The following NTN4 variants were observed in gnomAD, a reference collection of about 807,000 sequenced individuals.
NTN4 encodes the protein netrin-4.
A neutral mutation model predicts 73.6 loss-of-function variants in NTN4; 32 were observed. The observed-to-expected ratio is 0.44, with a 90% CI of 0.33 to 0.58. The LOEUF is 0.58. Among genes scored for constraint, NTN4 ranks in the 20% least tolerant of loss-of-function variants. The probability of loss-of-function intolerance (pLI) is 0.04; values close to 1 mark genes in which losing one functional copy is unlikely to be tolerated. For missense variants in NTN4, 654 were observed against 798.3 expected, an observed-to-expected ratio of 0.82 and a Z score of 2.18; for synonymous variants, 258 against 287.5, an observed-to-expected ratio of 0.90 and a Z score of 1.04.
At chr12:95,698,569 G>A (rs1057000125) in intron 5 of NTN4, among the ~76,000 whole-genome samples, 1 of 152,048 alleles carries the variant, frequency 6.6e-6, no homozygotes, top group African/African-American at 2.4e-5. Flanking sequence ...TAAAGTTTTG[G>A]CTGGGTGTAG....
intron 3 of NTN4, among the ~76,000 whole-genome samples, chr12:95,715,726 T>A (rs961698677): frequency 5.9e-5 from 9 of 152,200 alleles, no homozygotes; most frequent in Non-Finnish European, 1.2e-4. Context: ...CTATCCATTT[T>A]TTATTATAAA....
chr12:95,729,624 AGAGAGAGAGTGTGTGTGTGTGTGTGT>A (rs1565899034), intron 3 of NTN4, among the ~76,000 whole-genome samples: 1 of 117,934 alleles, frequency 8.5e-6, no homozygotes, highest in African/African-American at 3.7e-5. Context: ...AGAGAGAGAG[AGAGAGAGAGTGTGTGTGTGTGTGTGT>A]GTGTGTGTGT....
In NTN4 at chr12:95,790,442, G is replaced by A; in HGVS notation, c.-133C>T. On this transcript the variant is annotated 5_prime_UTR_variant, in exon 1 of 10. Coordinates refer to ENST00000343702, the MANE Select transcript of NTN4 (RefSeq NM_021229.4). The surrounding 1 kb of genome is among the most constrained non-coding windows in gnomAD (Gnocchi z 6.5). Reference sequence around the variant, plus strand: ...GTTTCTTCCTCCTCCTGGGGCGCCGGGCTCGGTCAGCGGTCGCCGGCAGCT... The same window carrying A: ...GTTTCTTCCTCCTCCTGGGGCGCCGAGCTCGGTCAGCGGTCGCCGGCAGCT... 5.4e-6 allele frequency: 4 copies of A among 742,022 alleles called. No homozygotes were observed. Among genetic ancestry groups the A allele is most frequent in the Non-Finnish European group, 7.9e-6 (4 of 505,010 alleles). 46.0% of individuals were successfully genotyped at this position (742,022 alleles called of 1,614,324 possible). A position where few individuals can be genotyped will look rare whatever the true frequency, so the allele number is the denominator to read the frequency against.
chr12:95,759,021 T>G (rs2078966431), intron 2 of NTN4, among the ~76,000 whole-genome samples: 1 of 152,210 alleles, frequency 6.6e-6, no homozygotes, highest in African/African-American at 2.4e-5. Flanking sequence ...TAGTTCATTT[T>G]GAGTTAATTT....
rs1158325738 is a variant in NTN4, at chr12:95,713,232, C to T, written c.971G>A (p.Gly324Glu). The T allele has an allele frequency of 6.2e-7, 1 of 1,613,422 alleles. No homozygotes were observed. Among genetic ancestry groups the T allele is most frequent in the South Asian group, 1.1e-5 (1 of 91,000 alleles). The change falls in exon 4 of 10, where the codon GGG becomes GAG. Residue 324 changes from glycine to glutamate, a missense_variant. By Grantham distance (98) the Gly-to-Glu change is moderately conservative. Transcript: ENST00000343702. ...CTTACTTCTGCACTCGTTGGGAGCC[C>T]CCGTTTTGCCATCAGCTGCCTCCCA... ...RPWEAADGKT[G>E]APNECRTCKC...
chr12:95,696,141 CCTAA>C (rs1284259576), intron 5 of NTN4, among the ~76,000 whole-genome samples: 1 of 152,156 alleles, frequency 6.6e-6, no homozygotes, highest in Admixed American at 6.5e-5. Flanking sequence ...GAGAAACAAA[CCTAA>C]CTGTGTCTAT....
chr12:95,681,160 G>T (rs2078312133), intron 7 of NTN4, among the ~76,000 whole-genome samples: 1 of 139,048 alleles, frequency 7.2e-6, no homozygotes, highest in Admixed American at 7.7e-5. Flanking sequence ...CTGCACTCCA[G>T]CCTGGGCAAC....
intron 2 of NTN4, among the ~76,000 whole-genome samples, chr12:95,754,359 C>T (rs1017361109): frequency 6.6e-6 from 1 of 152,108 alleles, no homozygotes; most frequent in Non-Finnish European, 1.5e-5. Context: ...TGAGAAACAT[C>T]GTCCATTCTC....
intron 2 of NTN4, among the ~76,000 whole-genome samples, chr12:95,782,682 T>A (rs2079141960): frequency 6.6e-6 from 1 of 152,210 alleles, no homozygotes; most frequent in Non-Finnish European, 1.5e-5. Context: ...GACTTTACAG[T>A]CCTGCCTTTG....
At chr12:95,757,869 C>T (rs993551479) in intron 2 of NTN4, among the ~76,000 whole-genome samples, 1 of 151,742 alleles carries the variant, frequency 6.6e-6, no homozygotes, top group African/African-American at 2.4e-5. Flanking sequence ...TAACAGAAGA[C>T]TATTGAGAGC....
At chr12:95,662,921 C>A (rs1453706918) in intron 9 of NTN4, among the ~76,000 whole-genome samples, 2 of 151,944 alleles carry the variant, frequency 1.3e-5, no homozygotes, top group Admixed American at 1.3e-4. Context: ...AGTTTGAGAC[C>A]AGTTTGAGAC....
At chr12:95,740,261 CT>C (rs2078814193) in intron 2 of NTN4, among the ~76,000 whole-genome samples, 2 of 152,212 alleles carry the variant, frequency 1.3e-5, no homozygotes, top group South Asian at 4.1e-4. Context: ...GCAGGTCGCC[CT>C]TTGGGTCCCA....
intron 3 of NTN4, among the ~76,000 whole-genome samples, chr12:95,737,562 A>AC (rs1222845616): frequency 6.6e-6 from 1 of 152,200 alleles, no homozygotes; most frequent in Non-Finnish European, 1.5e-5. Flanking sequence ...GTGTGATAAT[A>AC]CCACTAATAT....
chr12:95,767,483 A>G (rs11830584), intron 2 of NTN4, among the ~76,000 whole-genome samples: 41,759 of 152,024 alleles, frequency 0.27, 6,496 homozygotes, highest in South Asian at 0.41. Context: ...CCCAGCTCCA[A>G]AAATGCAGGT....
chr12:95,790,177 C>T lies in NTN4; in HGVS notation c.55+78G>A. On this transcript the variant is annotated intron_variant, in intron 1 of 9. Transcript: ENST00000343702. This position sits in a 1 kb window ranked among gnomAD's most constrained non-coding sequence, Gnocchi z 6.5. ...CGCTCTGCGCTCGCAGCCCTGGCTCCCCTGCACCCCCGAGTCCCGAGATGG... is the reference window on the plus strand; with the variant it reads ...CGCTCTGCGCTCGCAGCCCTGGCTCTCCTGCACCCCCGAGTCCCGAGATGG... 7.6e-7 allele frequency: 1 copy of T among 1,319,942 alleles called. No homozygotes were observed. Among genetic ancestry groups the T allele is most frequent in the Non-Finnish European group, 1.0e-6 (1 of 965,678 alleles). The allele number at this position is 1,319,942 out of a possible 1,614,324, so 81.8% of individuals were successfully genotyped here.
intron 5 of NTN4, among the ~76,000 whole-genome samples, chr12:95,710,216 T>C (rs2078553816): frequency 6.6e-6 from 1 of 152,210 alleles, no homozygotes; most frequent in African/African-American, 2.4e-5. Flanking sequence ...ATAATTTTAC[T>C]TTATGGAGAA....
chr12:95,697,194 A>G (rs2078448939), intron 5 of NTN4, among the ~76,000 whole-genome samples: 1 of 151,792 alleles, frequency 6.6e-6, no homozygotes, highest in South Asian at 2.1e-4. Flanking sequence ...AAAAAAAAAA[A>G]GTTATTTATT....
chr12:95,786,088 T>C (rs771653047), intron 2 of NTN4, among the ~76,000 whole-genome samples: 3 of 152,226 alleles, frequency 2.0e-5, no homozygotes, highest in African/African-American at 7.2e-5. Context: ...AAGCCACTTA[T>C]CTAGTCTGTA....
intron 2 of NTN4, among the ~76,000 whole-genome samples, chr12:95,747,048 ACTAAGC>A (rs2078867927): frequency 6.6e-6 from 1 of 152,194 alleles, no homozygotes; most frequent in East Asian, 1.9e-4. Flanking sequence ...CTGTACATAA[ACTAAGC>A]CTTTATTTTT....
Sources: allele counts gnomAD v4.1 joint callset (sites outside exome capture counted in the v4.1 genomes callset), GRCh38; gene constraint gnomAD v4.1.1; non-coding constraint Gnocchi (gnomAD v3.1); transcripts MANE v1.5; gene names NCBI Gene and HGNC (gene_info 2026-07-23, HGNC 2026-07-21).